Variants in GALNT8 observed in about 807,000 individuals in gnomAD.
GALNT8 encodes the protein probable polypeptide N-acetylgalactosaminyltransferase 8.
Under a neutral mutation model 62.7 loss-of-function variants are expected in GALNT8, and 66 were observed. The observed-to-expected ratio is 1.05, with a 90% CI of 0.86 to 1.29. The LOEUF (loss-of-function observed/expected upper bound fraction) is 1.29, where lower values mean the gene tolerates loss of function less well. GALNT8 is among the 50% of genes most tolerant of loss of function. The probability of loss-of-function intolerance (pLI) is 0.00; values close to 1 mark genes in which losing one functional copy is unlikely to be tolerated. For synonymous variants in GALNT8, 288 were observed against 294.3 expected (o/e 0.98, Z 0.22); for missense variants, 771 against 791.8 (o/e 0.97, Z 0.32).
chr12:4,748,790 G>A (rs763053049), intron 6 of GALNT8, among the ~76,000 whole-genome samples: 21 of 152,000 alleles, frequency 1.4e-4, no homozygotes, highest in African/African-American at 2.9e-4. Flanking sequence ...TATTTAATCC[G>A]TATATTGCTT....
In GALNT8 at chr12:4,748,900, T is replaced by C. The variant is rs1946311666; in HGVS notation, c.1173+2642T>C. 2.0e-5 allele frequency among the ~76,000 whole-genome samples: 3 copies of C among 152,074 alleles called. No homozygotes were observed. In the South Asian group the frequency reaches 6.2e-4, roughly 32 times the overall value. Reference sequence around the variant, plus strand: ...TCCTCTTCAATGTTTTTCATCAGGGTTTTATAGTTTTCATTTTAGAGATAT... The same window carrying C: ...TCCTCTTCAATGTTTTTCATCAGGGCTTTATAGTTTTCATTTTAGAGATAT... On this transcript the variant is annotated intron_variant, in intron 6 of 10. Transcript: ENST00000252318.
chr12:4,764,464 G>A (rs1255937572), intron 9 of GALNT8, among the ~76,000 whole-genome samples: 3 of 151,724 alleles, frequency 2.0e-5, no homozygotes, highest in African/African-American at 7.3e-5. Flanking sequence ...AGAGGATAGA[G>A]GCTGAGCAGA....
rs373126650 is a variant in GALNT8, at chr12:4,721,357, G to A, written c.211+469G>A. On this transcript the variant is annotated intron_variant, in intron 1 of 10. Coordinates refer to ENST00000252318, the MANE Select transcript of GALNT8 (RefSeq NM_017417.2). ...AAATAAGGGGGCCCAGGGGACCAGC[G>A]TTCAGCATACGGAGGATCCCGCCAG... 1.8e-4 allele frequency among the ~76,000 whole-genome samples: 27 copies of A among 152,090 alleles called. No individual in the cohort carries two copies. The South Asian group carries it at 4.2e-3, about 24-fold the overall frequency.
rs1166702771 is a variant in GALNT8, at chr12:4,765,408, C to T, written c.1623C>T (p.Leu541=). 1.5e-6 allele frequency: 2 copies of T among 1,327,638 alleles called. No homozygotes were observed. The highest frequency in any genetic ancestry group is 2.1e-6 in the Non-Finnish European group (2 of 945,180). 82.2% of individuals were successfully genotyped at this position (1,327,638 alleles called of 1,614,324 possible). A position where few individuals can be genotyped will look rare whatever the true frequency, so the allele number is the denominator to read the frequency against. ...TCTACTATCACCTAACTGGGGAGCT[C>T]TATGTGGGACAACTGATTGCAGAGG... The part of the protein sequence containing the change: ...QNVYYHLTGE[L]YVGQLIAEAS... Residue 541 remains leucine (L), a synonymous_variant, in exon 10 of 11, where the codon CTC becomes CTT. Transcript: ENST00000252318.
At chr12:4,761,234 C>T in intron 7 of GALNT8, 91 bp downstream of exon 7, 7 of 1,042,156 alleles carry the variant, frequency 6.7e-6, no homozygotes, top group South Asian at 6.0e-5. Context: ...AAAGTGCCAT[C>T]GCAGCCCTAA....
intron 1 of GALNT8, among the ~76,000 whole-genome samples, chr12:4,725,553 C>CT (rs747460695): frequency 0.53 from 62,884 of 119,706 alleles, 18,022 homozygotes; most frequent in Non-Finnish European, 0.6. Context: ...TGAAGACATT[C>CT]TTTTTTTTTT....
At chr12:4,732,931 G>A (rs34864033) in intron 2 of GALNT8, among the ~76,000 whole-genome samples, 102 of 5,200 alleles carry the variant, frequency 0.02, no homozygotes, top group Non-Finnish European at 0.017. Context: ...GCACCGTTCA[G>A]TATGATAGCT....
At chr12:4,750,220 G>A (rs982284457) in intron 6 of GALNT8, among the ~76,000 whole-genome samples, 13 of 151,286 alleles carry the variant, frequency 8.6e-5, no homozygotes, top group African/African-American at 3.2e-4. Flanking sequence ...GGGTACTAGC[G>A]CAGGTTTGTT....
intron 1 of GALNT8, 39 bp downstream of exon 1, chr12:4,720,927 G>A: frequency 7.8e-7 from 1 of 1,285,054 alleles, no homozygotes; most frequent in Non-Finnish European, 1.1e-6. Context: ...GTGTGTGTGG[G>A]TGTGTGTGTT....
intron 6 of GALNT8, among the ~76,000 whole-genome samples, chr12:4,758,776 CT>C (rs10612506): frequency 7.9e-4 from 116 of 146,922 alleles, no homozygotes; most frequent in South Asian, 2.2e-3. Flanking sequence ...AAACGGCAAT[CT>C]TTTTTTTTTT....
At chr12:4,744,326 AC>A (rs1946285864) in intron 3 of GALNT8, among the ~76,000 whole-genome samples, 190 bp from the exon 4 acceptor site, 1 of 152,236 alleles carries the variant, frequency 6.6e-6, no homozygotes, top group Non-Finnish European at 1.5e-5. Context: ...AGGAATGATC[AC>A]AGTACACCTC....
rs1308734155 is a variant in GALNT8, at chr12:4,772,491, A to AG, written c.1809dup (p.Lys604GlufsTer6). On this transcript the variant is annotated frameshift_variant, in exon 11 of 11. Coordinates refer to ENST00000252318, the MANE Select transcript of GALNT8 (RefSeq NM_017417.2). LOFTEE classifies it low-confidence loss of function (END_TRUNC). ...GATACCAAGCGGTGTCTGGAGATGA[A>AG]GAAGGATCTTTTGGGTAGCCACGTG... 1.2e-6 allele frequency: 2 copies of AG among 1,613,828 alleles called. No individual in the cohort carries two copies. Among genetic ancestry groups the AG allele is most frequent in the Non-Finnish European group, 1.7e-6 (2 of 1,179,862 alleles).
rs1946314121 is a variant in GALNT8 at position 4,749,600 on chromosome 12, A to G, written c.1173+3342A>G. Among the ~76,000 whole-genome samples, 1 of 150,804 alleles carries G rather than the reference A, an allele frequency of 6.6e-6. No homozygotes were observed. The highest frequency in any genetic ancestry group is 2.1e-4 in the South Asian group (1 of 4,802). On this transcript the variant is annotated intron_variant, in intron 6 of 10. Coordinates refer to ENST00000252318, the MANE Select transcript of GALNT8 (RefSeq NM_017417.2). This position sits in a 1 kb window ranked among gnomAD's most constrained non-coding sequence, Gnocchi z 4.1. Reference sequence around the variant, plus strand: ...TTTTGTGCCAATATTCATCAGAGATATTGGCCTGTAGTTTTCTTTTCTTTT... The same window carrying G: ...TTTTGTGCCAATATTCATCAGAGATGTTGGCCTGTAGTTTTCTTTTCTTTT...
At chr12:4,763,475 G>A in intron 8 of GALNT8, 85 bp downstream of exon 8, 3 of 1,066,270 alleles carry the variant, frequency 2.8e-6, no homozygotes, top group Admixed American at 3.8e-5. Context: ...TGCCTGTCCT[G>A]CCCAAGACGC....
chr12:4,729,605 A>C lies in GALNT8; in HGVS notation c.509+2776A>C, dbSNP rs139408264. On this transcript the variant is annotated intron_variant, in intron 2 of 10. Transcript: ENST00000252318. ...ATTTATCCATGTTGTCACAAAAGAC[A>C]GAATTTCCTTCTTTTTTTGTGGCTG... Among the ~76,000 whole-genome samples, 437 of 152,296 alleles carry C rather than the reference A, an allele frequency of 2.9e-3. 1 individual carries two copies. Among genetic ancestry groups the C allele is most frequent in the African/African-American group, 9.8e-3 (406 of 41,548 alleles).
At chr12:4,746,324 C>A (rs1296123761) in intron 6 of GALNT8, 66 bp downstream of exon 6, 6 of 884,766 alleles carry the variant, frequency 6.8e-6, no homozygotes, top group South Asian at 6.7e-5. Context: ...GGTAGTAGGA[C>A]CCCTGGAATC....
chr12:4,737,797 G>C (rs1335952632), intron 2 of GALNT8, among the ~76,000 whole-genome samples: 1 of 152,174 alleles, frequency 6.6e-6, no homozygotes, highest in African/African-American at 2.4e-5. Flanking sequence ...CTGGGCTCTT[G>C]TTCTTTTCAT....
rs1447803097 is a variant in GALNT8, at chr12:4,763,343, GTT to G, written c.1452_1453del (p.Tyr485SerfsTer21). 1.3e-5 allele frequency: 21 copies of G among 1,612,374 alleles called. No individual in the cohort carries two copies. In the African/African-American group the frequency reaches 2.0e-4, roughly 15 times the overall value. On this transcript the variant is annotated frameshift_variant, in exon 8 of 11. Coordinates refer to ENST00000252318, the MANE Select transcript of GALNT8 (RefSeq NM_017417.2). LOFTEE classifies it high-confidence loss of function. ...CKTFDWYLKN[V>X]YPLLKPLHTI... ...AACTTTTGACTGGTACCTGAAAAAT[GTT>G]TATCCACTCTTGAAGCCACTCCACA...
Position 4,745,576 on chromosome 12 carries a change from T to G in GALNT8, c.1008T>G (p.Asp336Glu). 2.5e-6 allele frequency: 4 copies of G among 1,614,062 alleles called. No homozygotes were observed. The highest frequency in any genetic ancestry group is 3.4e-6 in the Non-Finnish European group (4 of 1,179,960). Residue 336 changes from aspartate (D) to glutamate (E), a missense_variant, in exon 5 of 11, where the codon GAT becomes GAG. By Grantham distance (45) the Asp-to-Glu change is conservative. Transcript: ENST00000252318. Reference protein sequence around the residue: ...GFNWELWCRYDALPQAWIDLH... With the variant: ...GFNWELWCRYEALPQAWIDLH... ...ACTGGGAACTCTGGTGCCGCTACGA[T>G]GCACTGCCACAAGCCTGGATTGATC...
Sources: gnomAD v4.1 joint callset for allele counts (sites outside exome capture counted in the v4.1 genomes callset) on GRCh38, gnomAD v4.1.1 for gene constraint, Gnocchi (gnomAD v3.1) non-coding constraint, MANE v1.5 for transcripts, NCBI Gene and HGNC (gene_info 2026-07-23, HGNC 2026-07-21) for gene names.